PLAGL1: variants seen among roughly 807,000 people sequenced by gnomAD.
The protein encoded by PLAGL1 is PLAG1 like zinc finger 1.
Under a neutral mutation model 4.6 loss-of-function variants are expected in PLAGL1, and 1 was observed. The observed-to-expected ratio is 0.22, with a 90% CI of 0.08 to 1.03. The LOEUF is 1.03. PLAGL1 is among the 50% of genes least tolerant of loss of function. The pLI, the probability that PLAGL1 is intolerant of heterozygous loss-of-function variation, is 0.58. For missense variants in PLAGL1, 464 were observed against 570.4 expected, an observed-to-expected ratio of 0.81 and a Z score of 1.90; for synonymous variants, 240 against 237.8, an observed-to-expected ratio of 1.01 and a Z score of -0.08.
chr6:144,046,272 T>C (rs940449210), intron 1 of PLAGL1, among the ~76,000 whole-genome samples: 1 of 152,192 alleles, frequency 6.6e-6, no homozygotes, highest in Non-Finnish European at 1.5e-5. Flanking sequence ...GTGCTCTGGT[T>C]TTTAGAATTT....
At chr6:144,054,653 G>T (rs1357752981) in intron 1 of PLAGL1, among the ~76,000 whole-genome samples, 2 of 150,068 alleles carry the variant, frequency 1.3e-5, no homozygotes, top group African/African-American at 5.0e-5. Context: ...TGCATGCAGG[G>T]CTTAAAACCT....
intron 1 of PLAGL1, among the ~76,000 whole-genome samples, chr6:143,999,852 G>A (rs1018737100): frequency 2.0e-5 from 3 of 151,996 alleles, no homozygotes; most frequent in Non-Finnish European, 4.4e-5. Flanking sequence ...AGAAAAAAAC[G>A]AGTACTTCCT....
rs1339882190 is a variant in PLAGL1 at position 143,966,381 on chromosome 6, A to G, written c.-471-183T>C. 1 of 152,142 alleles carries G rather than the reference A, an allele frequency of 6.6e-6. No homozygotes were observed. Among genetic ancestry groups the G allele is most frequent in the East Asian group, 1.9e-4 (1 of 5,198 alleles). The allele number at this position is 152,142 out of a possible 1,614,324, so 9.4% of individuals were successfully genotyped here. ...ATTCAAATAGCAAAACAAACAAAAA[A>G]CCCAACTGTGCACACACACACACCA... On this transcript the variant is annotated intron_variant, in intron 3 of 7. Transcript: ENST00000674357. The surrounding 1 kb of genome is among the most constrained non-coding windows in gnomAD (Gnocchi z 6.0).
At position 144,013,908 on chromosome 6, in the gene PLAGL1, A is replaced by T. The variant is rs1379352773; in HGVS notation, c.-150-44930T>A. On this transcript the variant is annotated intron_variant, in intron 1 of 3. Transcript: ENST00000437412. The surrounding 1 kb of genome is among the most constrained non-coding windows in gnomAD (Gnocchi z 4.4). Reference sequence around the variant, plus strand: ...AACTCAGGTTACATTCTGAGATTCCAGAGATTAGGACACAAATATTTTCGA... The same window carrying T: ...AACTCAGGTTACATTCTGAGATTCCTGAGATTAGGACACAAATATTTTCGA... 6.6e-6 allele frequency among the ~76,000 whole-genome samples: 1 copy of T among 152,214 alleles called. No individual in the cohort carries two copies. Among genetic ancestry groups the T allele is most frequent in the Non-Finnish European group, 1.5e-5 (1 of 68,038 alleles).
Position 143,965,110 on chromosome 6 carries a change from A to G in PLAGL1, c.-430-292T>C, listed in dbSNP as rs890699394. 2 of 152,210 alleles carry G rather than the reference A, an allele frequency of 1.3e-5. No individual in the cohort carries two copies. The highest frequency in any genetic ancestry group is 2.9e-5 in the Non-Finnish European group (2 of 68,040). 9.4% of individuals were successfully genotyped at this position (152,210 alleles called of 1,614,324 possible). The stretch of plus-strand genomic sequence containing the variant: ...TTTAGGGGAGAGAAGATCCTAACCC[A>G]AAAGAAAGGATATAAATCTTTAATG... On this transcript the variant is annotated intron_variant, in intron 4 of 7. Transcript: ENST00000674357. This position sits in a 1 kb window ranked among gnomAD's most constrained non-coding sequence, Gnocchi z 7.5.
At chr6:144,010,636 C>T (rs972825112), upstream of PLAGL1, among the ~76,000 whole-genome samples, 5 of 152,106 alleles carry the variant, frequency 3.3e-5, no homozygotes, top group Admixed American at 6.6e-5. The surrounding 1 kb of genome is among the most constrained non-coding windows in gnomAD (Gnocchi z 4.1). Flanking sequence ...AAAAAGAGCC[C>T]GTATAGCCAA....
At chr6:143,991,406 GGC>G (rs1319448883) in intron 1 of PLAGL1, among the ~76,000 whole-genome samples, 1 of 152,058 alleles carries the variant, frequency 6.6e-6, no homozygotes, top group Non-Finnish European at 1.5e-5. Flanking sequence ...GGCACTGGGG[GGC>G]CGTGATACTG....
intron 1 of PLAGL1, among the ~76,000 whole-genome samples, chr6:144,021,394 A>T (rs575368056): frequency 7.9e-5 from 12 of 152,280 alleles, no homozygotes; most frequent in African/African-American, 2.4e-4. Context: ...ATAATCTTTA[A>T]GGTATTGTAC....
Position 144,036,287 on chromosome 6 carries a change from C to A in PLAGL1, c.-151+28181G>T, listed in dbSNP as rs1173803601. 6.6e-6 allele frequency among the ~76,000 whole-genome samples: 1 copy of A among 152,154 alleles called. No individual in the cohort carries two copies. Among genetic ancestry groups the A allele is most frequent in the Non-Finnish European group, 1.5e-5 (1 of 68,038 alleles). ...CCAGTTTCATTTTAGGAAACACAAG[C>A]CTTATAACACAATCCTGAGGAAATC... On this transcript the variant is annotated intron_variant, in intron 1 of 3. Coordinates refer to the PLAGL1 transcript ENST00000437412. The surrounding 1 kb of genome is among the most constrained non-coding windows in gnomAD (Gnocchi z 5.1).
chr6:144,046,177 T>G (rs1023574370), intron 1 of PLAGL1, among the ~76,000 whole-genome samples: 1 of 152,230 alleles, frequency 6.6e-6, no homozygotes, highest in African/African-American at 2.4e-5. Context: ...TTCTGAAGCC[T>G]ACTTCTGTCA....
At chr6:144,062,470 C>CA (rs543521128) in intron 1 of PLAGL1, among the ~76,000 whole-genome samples, 3,235 of 75,146 alleles carry the variant, frequency 0.043, 55 homozygotes, top group African/African-American at 0.055. Flanking sequence ...GTTATCAGAC[C>CA]AAAAAAAAAA....
chr6:143,976,286 T>TTTTC (rs1786523994), intron 2 of PLAGL1, among the ~76,000 whole-genome samples: 1 of 22,808 alleles, frequency 4.4e-5, no homozygotes, highest in Admixed American at 3.0e-4. Context: ...ATTTCTTTTC[T>TTTTC]TTTTTTTTTT....
chr6:144,043,731 G>A (rs1797915375), intron 1 of PLAGL1, among the ~76,000 whole-genome samples: 1 of 152,040 alleles, frequency 6.6e-6, no homozygotes, highest in Admixed American at 6.5e-5. Flanking sequence ...TCTATTGATT[G>A]GAATTGTTTC....
At position 143,940,729 on chromosome 6, in the gene PLAGL1, A is replaced by ATT. The variant is rs35981443; in HGVS notation, c.*693_*694dup. On this transcript the variant is annotated 3_prime_UTR_variant, in exon 8 of 8. Coordinates refer to ENST00000674357, the MANE Select transcript of PLAGL1 (RefSeq NM_001317162.2). ...TACCACTTAACCTGGTTACACAGTGATTTTTTTTTTTTTTCTGTCAGATGT... is the reference window on the plus strand; with the variant it reads ...TACCACTTAACCTGGTTACACAGTGATTTTTTTTTTTTTTTTCTGTCAGATGT... 8.6e-3 allele frequency: 1,269 copies of ATT among 147,340 alleles called. 15 individuals are homozygous for ATT. The highest frequency in any genetic ancestry group is 0.025 in the African/African-American group (997 of 40,174). 9.1% of individuals were successfully genotyped at this position (147,340 alleles called of 1,614,324 possible). A position where few individuals can be genotyped will look rare whatever the true frequency, so the allele number is the denominator to read the frequency against.
intron 1 of PLAGL1, among the ~76,000 whole-genome samples, chr6:144,032,221 A>G (rs2128708828): frequency 6.6e-6 from 1 of 151,318 alleles, no homozygotes; most frequent in Admixed American, 6.6e-5. Context: ...CCTGGGCTCA[A>G]GCGATCCTCC....
In PLAGL1 at chr6:144,034,728, GA is replaced by G. The variant is rs924466989; in HGVS notation, c.-151+29739del. Among the ~76,000 whole-genome samples the G allele has an allele frequency of 3.3e-5, 5 of 149,342 alleles. No individual in the cohort carries two copies. Among genetic ancestry groups the G allele is most frequent in the African/African-American group, 4.9e-5 (2 of 40,686 alleles). ...GGTTTTCCCCCTAGCTTTTAAGATT[GA>G]AAAAAAAAATCTTCCTTGGAGGGGA... On this transcript the variant is annotated intron_variant, in intron 1 of 3. Transcript: ENST00000437412. This position sits in a 1 kb window ranked among gnomAD's most constrained non-coding sequence, Gnocchi z 4.7.
chr6:144,011,127 CT>C (rs1282246841), upstream of PLAGL1, among the ~76,000 whole-genome samples: 12 of 152,254 alleles, frequency 7.9e-5, no homozygotes, highest in African/African-American at 2.9e-4. This position sits in a 1 kb window ranked among gnomAD's most constrained non-coding sequence, Gnocchi z 4.3. Flanking sequence ...AACTAAAGAG[CT>C]TCTGCACACC....
Position 143,978,532 on chromosome 6 carries a change from T to A in PLAGL1, c.-544+6603A>T, listed in dbSNP as rs186775640. 6.6e-6 allele frequency among the ~76,000 whole-genome samples: 1 copy of A among 152,222 alleles called. No homozygotes were observed. The highest frequency in any genetic ancestry group is 2.4e-5 in the African/African-American group (1 of 41,448). ...AATTCTGTAGTCTCAGAAAGTATTT[T>A]GTATGGTTTCTATTCTTTTAAATTT... On this transcript the variant is annotated intron_variant, in intron 2 of 7. Coordinates refer to ENST00000674357, the MANE Select transcript of PLAGL1 (RefSeq NM_001317162.2). The surrounding 1 kb of genome is among the most constrained non-coding windows in gnomAD (Gnocchi z 4.6).
chr6:144,045,897 T>A (rs1798110244), intron 1 of PLAGL1, among the ~76,000 whole-genome samples: 1 of 152,192 alleles, frequency 6.6e-6, no homozygotes, highest in Non-Finnish European at 1.5e-5. Context: ...CTTTTACTCT[T>A]TTTTCTCTAA....
Sources: gnomAD v4.1 joint callset for allele counts (sites outside exome capture counted in the v4.1 genomes callset) on GRCh38, gnomAD v4.1.1 for gene constraint, Gnocchi (gnomAD v3.1) non-coding constraint, MANE v1.5 for transcripts, NCBI Gene and HGNC (gene_info 2026-07-23, HGNC 2026-07-21) for gene names.